RGS8: variants seen among roughly 807,000 people sequenced by gnomAD.
RGS8 encodes regulator of G protein signaling 8.
A neutral mutation model predicts 21.7 loss-of-function variants in RGS8; 8 were observed. That is an observed-to-expected ratio of 0.37 (90% CI 0.22 to 0.66). The LOEUF (loss-of-function observed/expected upper bound fraction) is 0.66. Ranked by LOEUF, RGS8 falls within the 30% of genes least tolerant of loss-of-function variation. The probability of loss-of-function intolerance (pLI) is 0.59; values close to 1 mark genes in which losing one functional copy is unlikely to be tolerated. For missense variants in RGS8, 157 were observed against 217.9 expected (o/e 0.72, Z 1.76); for synonymous variants, 80 against 83.6 (o/e 0.96, Z 0.24).
At chr1:182,728,272 T>C in the RGS8 span, among the ~76,000 whole-genome samples, 2 of 151,922 alleles carry the variant, frequency 1.3e-5, no homozygotes, top group Non-Finnish European at 2.9e-5. Flanking sequence ...CCTAAGAAAA[T>C]AGAACAATAT....
At chr1:182,672,680 C>T, upstream of RGS8, 1 of 963,612 alleles carries the variant, frequency 1.0e-6, no homozygotes, top group Non-Finnish European at 1.7e-6. Flanking sequence ...ACTCACCTCT[C>T]TCCCTCATCC....
At chr1:182,692,741 G>T in the RGS8 span, among the ~76,000 whole-genome samples, 2 of 140,742 alleles carry the variant, frequency 1.4e-5, no homozygotes, top group Non-Finnish European at 3.1e-5. Context: ...GTACAAGGCC[G>T]CAGTAAATAA....
the RGS8 span, among the ~76,000 whole-genome samples, chr1:182,709,273 C>A: frequency 6.6e-6 from 1 of 152,090 alleles, no homozygotes; most frequent in Non-Finnish European, 1.5e-5. Context: ...CTTTGCTCAC[C>A]AAAGTCCAGG....
At chr1:182,698,070 T>A in the RGS8 span, among the ~76,000 whole-genome samples, 1 of 152,216 alleles carries the variant, frequency 6.6e-6, no homozygotes, top group Non-Finnish European at 1.5e-5. Context: ...TTTTCTAGAA[T>A]GATGATTATT....
the RGS8 span, among the ~76,000 whole-genome samples, chr1:182,746,506 A>C: frequency 6.6e-6 from 1 of 152,124 alleles, no homozygotes; most frequent in Non-Finnish European, 1.5e-5. Flanking sequence ...GTCTCTACTA[A>C]AAATACAAAA....
At chr1:182,747,027 T>C in the RGS8 span, among the ~76,000 whole-genome samples, 1 of 137,920 alleles carries the variant, frequency 7.3e-6, no homozygotes, top group African/African-American at 2.6e-5. Context: ...TACAGGCACG[T>C]GTCAACACTG....
downstream of RGS8, chr1:182,643,885 G>A (rs539597492): frequency 6.6e-6 from 1 of 152,448 alleles, no homozygotes; most frequent in South Asian, 2.1e-4. Flanking sequence ...AGCAATTCTA[G>A]AAGTCACAGC....
the RGS8 span, among the ~76,000 whole-genome samples, chr1:182,724,227 T>G: frequency 7.7e-5 from 9 of 117,138 alleles, no homozygotes; most frequent in Non-Finnish European, 9.3e-5. Context: ...TATATATATA[T>G]ATATATATAT....
intron 4 of RGS8, 45 bp from the exon 6 acceptor site, chr1:182,666,078 T>C (rs774774342): frequency 6.5e-7 from 1 of 1,540,978 alleles, no homozygotes; most frequent in East Asian, 2.2e-5. Flanking sequence ...TGAAATAACC[T>C]CCTTGCCCTC....
the RGS8 span, among the ~76,000 whole-genome samples, chr1:182,728,490 G>C: frequency 6.6e-6 from 1 of 152,278 alleles, no homozygotes; most frequent in East Asian, 1.9e-4. Flanking sequence ...TATGGATAAT[G>C]TCAATGAAAT....
At chr1:182,696,546 T>C in the RGS8 span, among the ~76,000 whole-genome samples, 1 of 151,988 alleles carries the variant, frequency 6.6e-6, no homozygotes, top group African/African-American at 2.4e-5. Context: ...TTAGTAGGGA[T>C]GGGATTTCAC....
chr1:182,706,379 A>C, the RGS8 span, among the ~76,000 whole-genome samples: 1 of 152,160 alleles, frequency 6.6e-6, no homozygotes, highest in African/African-American at 2.4e-5. Context: ...CTGAGCTAAA[A>C]AGAGATTTGA....
At chr1:182,739,122 A>C in the RGS8 span, among the ~76,000 whole-genome samples, 1 of 152,218 alleles carries the variant, frequency 6.6e-6, no homozygotes, top group Non-Finnish European at 1.5e-5. Context: ...TTAAAAGTGG[A>C]ATATTCCCCC....
rs776471283 is a variant in RGS8, at chr1:182,669,701, G to A, written c.-52C>T. ...TGGGCTGGTATGCAGGGACGTCAGG[G>A]CAGGAAATAAGACTGCGGGGCTCAG... On this transcript the variant is annotated 5_prime_UTR_variant, in exon 3 of 7. Transcript: ENST00000483095. 1.9e-6 allele frequency: 3 copies of A among 1,613,728 alleles called. No homozygotes were observed. The South Asian group carries it at 3.3e-5, about 18-fold the overall frequency.
chr1:182,643,007 A>C (rs1662533820), downstream of RGS8: 1 of 152,210 alleles, frequency 6.6e-6, no homozygotes, highest in Non-Finnish European at 1.5e-5. Context: ...GCCAAACACA[A>C]GGGCGCAGGA....
chr1:182,687,519 T>C (rs1664736632), upstream of RGS8, among the ~76,000 whole-genome samples: 1 of 152,202 alleles, frequency 6.6e-6, no homozygotes, highest in East Asian at 1.9e-4. Flanking sequence ...GCCCAAGGGC[T>C]GAGGGAAGAA....
the RGS8 span, among the ~76,000 whole-genome samples, chr1:182,719,321 T>C: frequency 1.3e-5 from 2 of 149,492 alleles, no homozygotes; most frequent in African/African-American, 2.5e-5. Context: ...AATGTATAAG[T>C]ATCCTTTACA....
the RGS8 span, among the ~76,000 whole-genome samples, chr1:182,723,603 G>A: frequency 1.3e-5 from 2 of 152,196 alleles, no homozygotes; most frequent in Middle Eastern, 3.2e-3. Context: ...TGTTACTTGT[G>A]CTGTATGCTG....
the RGS8 span, among the ~76,000 whole-genome samples, chr1:182,692,285 A>G: frequency 5.3e-5 from 8 of 152,042 alleles, no homozygotes. Context: ...TTACAGGCAT[A>G]AACCATCGGA....
Sources: gnomAD v4.1 joint callset for allele counts (sites outside exome capture counted in the v4.1 genomes callset) on GRCh38, gnomAD v4.1.1 for gene constraint, MANE v1.5 for transcripts, NCBI Gene and HGNC (gene_info 2026-07-23, HGNC 2026-07-21) for gene names.